Variants in FHIT observed in about 807,000 individuals in gnomAD.
FHIT encodes the protein fragile histidine triad diadenosine triphosphatase, also known as bis(5'-adenosyl)-triphosphatase.
FHIT carries 19 observed loss-of-function variants against 17.9 expected under a neutral mutation model. That is an observed-to-expected ratio of 1.06 (90% confidence interval 0.74 to 1.56). FHIT has a LOEUF of 1.56. Among genes scored for constraint, FHIT ranks in the 40% most tolerant of loss-of-function variants. The pLI is 0.00. For synonymous variants in FHIT, 81 were observed against 69.7 expected, an observed-to-expected ratio of 1.16 and a Z score of -0.81; for missense variants, 248 against 189.2, an observed-to-expected ratio of 1.31 and a Z score of -1.82.
At position 60,252,444 on chromosome 3, in the gene FHIT, G is replaced by GTCCCAGCTAC. The variant is rs1439971332; in HGVS notation, c.104-238302_104-238293dup. Among the ~76,000 whole-genome samples the GTCCCAGCTAC allele has an allele frequency of 1.1e-4, 16 of 151,934 alleles. 1 individual carries two copies. The highest frequency in any genetic ancestry group is 1.0e-3 in the Admixed American group (16 of 15,250). ...CAGATCATAATGGCAACTGCCTGTA[G>GTCCCAGCTAC]TCCCAGCTACTAGAAAGGCTAGGTG... On this transcript the variant is annotated intron_variant, in intron 5 of 9. Transcript: ENST00000492590.
intron 8 of FHIT, among the ~76,000 whole-genome samples, chr3:59,837,497 A>T (rs373279583): frequency 2.0e-5 from 3 of 151,628 alleles, no homozygotes; most frequent in African/African-American, 7.3e-5. Context: ...AATATTTCCA[A>T]TCCTCCATTG....
At chr3:59,941,497 C>T (rs781105689) in intron 7 of FHIT, among the ~76,000 whole-genome samples, 83 of 152,268 alleles carry the variant, frequency 5.5e-4, no homozygotes, top group Non-Finnish European at 1.1e-3. Context: ...TGTGATATCC[C>T]ACATTCTCTT....
intron 5 of FHIT, among the ~76,000 whole-genome samples, chr3:60,432,606 T>C (rs915870079): frequency 6.6e-6 from 1 of 152,114 alleles, no homozygotes; most frequent in Non-Finnish European, 1.5e-5. Context: ...GCAGGCAATT[T>C]ACAAATAAAC....
At chr3:60,338,848 T>C (rs1239986079) in intron 5 of FHIT, among the ~76,000 whole-genome samples, 1 of 152,098 alleles carries the variant, frequency 6.6e-6, no homozygotes, top group Non-Finnish European at 1.5e-5. Context: ...CCCTCAGAAT[T>C]AAAGAGAAAA....
chr3:60,536,092 C>T (rs1034433755), intron 5 of FHIT: 2 of 152,052 alleles, frequency 1.3e-5, no homozygotes, highest in Non-Finnish European at 2.9e-5. Context: ...CTGAAGAGTC[C>T]GTACAAAATT....
intron 5 of FHIT, among the ~76,000 whole-genome samples, chr3:60,487,056 C>G (rs2033873780): frequency 1.3e-5 from 2 of 152,300 alleles, no homozygotes; most frequent in South Asian, 4.1e-4. Flanking sequence ...TAAGGAATTT[C>G]TGTGTGCCAG....
At position 60,477,086 on chromosome 3, in the gene FHIT, C is replaced by T. The variant is rs1296228025; in HGVS notation, c.103+59774G>A. ...AAGCAAAGTATTATAATATCATATTCAAACAATCACCACCTTTTTTTCCTA... is the reference window on the plus strand; with the variant it reads ...AAGCAAAGTATTATAATATCATATTTAAACAATCACCACCTTTTTTTCCTA... On this transcript the variant is annotated intron_variant, in intron 5 of 9. Coordinates refer to ENST00000492590, the MANE Select transcript of FHIT (RefSeq NM_002012.4). Among the ~76,000 whole-genome samples the T allele has an allele frequency of 4.0e-5, 6 of 151,706 alleles. No individual in the cohort carries two copies. The Admixed American group carries it at 4.0e-4, about 10-fold the overall frequency.
intron 3 of FHIT, among the ~76,000 whole-genome samples, chr3:60,942,093 C>G (rs1276590480): frequency 6.6e-6 from 1 of 152,172 alleles, no homozygotes; most frequent in African/African-American, 2.4e-5. Context: ...AGGCAATTCT[C>G]CTGCCTCAGC....
At position 60,536,923 on chromosome 3, in the gene FHIT, C is replaced by T. The variant is rs768879991; in HGVS notation, c.40G>A (p.Val14Ile). Residue 14 changes from valine (V) to isoleucine (I), a missense_variant, in exon 5 of 10, where the codon GTA (valine) becomes ATA (isoleucine). By Grantham distance (29) the Val-to-Ile change is conservative. Coordinates refer to ENST00000492590, the MANE Select transcript of FHIT (RefSeq NM_002012.4). ...GACAGTTCTGTTTTGAGAAACACTA[C>T]AGAGGGCTTGATGAGATGTTGGCCA... ...RFGQHLIKPS[V>I]VFLKTELSFA... is the part of the protein sequence containing the mutation. 1.2e-6 allele frequency: 2 copies of T among 1,613,224 alleles called. No homozygotes were observed. Among genetic ancestry groups the T allele is most frequent in the Non-Finnish European group, 1.7e-6 (2 of 1,179,568 alleles).
chr3:61,055,102 T>G (rs2034171799), intron 2 of FHIT, among the ~76,000 whole-genome samples: 1 of 152,114 alleles, frequency 6.6e-6, no homozygotes, highest in African/African-American at 2.4e-5. Context: ...GTTTGTTTGT[T>G]TGTTTGTTTT....
intron 4 of FHIT, among the ~76,000 whole-genome samples, chr3:60,604,633 T>C (rs1157626785): frequency 6.6e-6 from 1 of 152,172 alleles, no homozygotes; most frequent in East Asian, 1.9e-4. Context: ...CTTATAGCTC[T>C]ATTCCACTCA....
chr3:60,592,471 T>TC (rs1340337605), intron 4 of FHIT, among the ~76,000 whole-genome samples: 1 of 152,082 alleles, frequency 6.6e-6, no homozygotes, highest in Non-Finnish European at 1.5e-5. Flanking sequence ...CCAGAACTTG[T>TC]CTGGCCACTG....
chr3:60,152,649 C>A (rs1388467254), intron 5 of FHIT, among the ~76,000 whole-genome samples: 1 of 152,172 alleles, frequency 6.6e-6, no homozygotes, highest in African/African-American at 2.4e-5. Flanking sequence ...GAAAAGTACA[C>A]AAAGACAGTT....
At chr3:60,330,162 C>T (rs375217191) in intron 5 of FHIT, among the ~76,000 whole-genome samples, 2 of 152,166 alleles carry the variant, frequency 1.3e-5, no homozygotes, top group Admixed American at 1.3e-4. Context: ...TTACAAACAA[C>T]TGGGCTCCCG....
chr3:60,831,782 G>T (rs141858582), intron 3 of FHIT, among the ~76,000 whole-genome samples: 3 of 152,212 alleles, frequency 2.0e-5, no homozygotes, highest in Admixed American at 2.0e-4. Flanking sequence ...GATGGGTTAG[G>T]ATTCAAACAC....
At chr3:60,545,208 C>G (rs2036321002) in intron 4 of FHIT, among the ~76,000 whole-genome samples, 1 of 151,542 alleles carries the variant, frequency 6.6e-6, no homozygotes, top group African/African-American at 2.4e-5. Context: ...GTAATTATCT[C>G]TTTTACCTAT....
At chr3:60,294,079 G>C (rs939231253) in intron 5 of FHIT, among the ~76,000 whole-genome samples, 2 of 152,050 alleles carry the variant, frequency 1.3e-5, no homozygotes, top group Admixed American at 1.3e-4. Context: ...TTTTCCAGGA[G>C]CAACACAGCA....
intron 5 of FHIT, among the ~76,000 whole-genome samples, chr3:60,140,803 C>T (rs1700010323): frequency 6.6e-6 from 1 of 152,054 alleles, no homozygotes; most frequent in Admixed American, 6.6e-5. Context: ...GTTTCGAACT[C>T]CCAACCTCAG....
chr3:60,101,299 T>C (rs1576101185), intron 5 of FHIT, among the ~76,000 whole-genome samples: 1 of 152,336 alleles, frequency 6.6e-6, no homozygotes, highest in Admixed American at 6.5e-5. Context: ...GATGGCCATG[T>C]CCACCTCGGG....
Sources: allele counts gnomAD v4.1 joint callset (sites outside exome capture counted in the v4.1 genomes callset), GRCh38; gene constraint gnomAD v4.1.1; transcripts MANE v1.5; gene names NCBI Gene and HGNC (gene_info 2026-07-23, HGNC 2026-07-21).